Variants in ATG7 observed in about 807,000 individuals in gnomAD.
ATG7 encodes autophagy related 7.
Under a neutral mutation model 82.4 loss-of-function variants are expected in ATG7, and 70 were observed. The observed-to-expected ratio is 0.85, with a 90% CI of 0.70 to 1.04. The LOEUF is 1.04. ATG7 is among the 50% of genes least tolerant of loss of function. The pLI is 0.00. For synonymous variants in ATG7, 287 were observed against 313.0 expected, an observed-to-expected ratio of 0.92 and a Z score of 0.88; for missense variants, 792 against 864.3, an observed-to-expected ratio of 0.92 and a Z score of 1.05.
chr3:11,374,482 G>T (rs911253776), intron 18 of ATG7, among the ~76,000 whole-genome samples: 1 of 152,118 alleles, frequency 6.6e-6, no homozygotes. Context: ...AAAATTCCTA[G>T]AAGAAAATAT....
At chr3:11,353,018 A>G (rs1333810967) in intron 14 of ATG7, among the ~76,000 whole-genome samples, 1 of 152,242 alleles carries the variant, frequency 6.6e-6, no homozygotes, top group African/African-American at 2.4e-5. Flanking sequence ...TGGTTTTATT[A>G]ATGCAAGATT....
At position 11,358,537 on chromosome 3, in the gene ATG7, T is replaced by C; in HGVS notation, c.1404T>C (p.His468=). ...AACTGGAGCAGCTCATCGAAAGCCA[T>C]GATGTCGTCTTCCTATTGATGGACA... ...VEQLEQLIES[H]DVVFLLMDTR... The change falls in exon 15 of 21, where the codon CAT becomes CAC. Residue 468 remains histidine (H), a synonymous_variant. Coordinates refer to ENST00000693202, the MANE Select transcript of ATG7 (RefSeq NM_001349232.2). 1 of 1,614,120 alleles carries C rather than the reference T, an allele frequency of 6.2e-7. No individual in the cohort carries two copies. The highest frequency in any genetic ancestry group is 8.5e-7 in the Non-Finnish European group (1 of 1,179,990).
chr3:11,349,914 A>G (rs1296697777), intron 14 of ATG7, among the ~76,000 whole-genome samples: 1 of 152,232 alleles, frequency 6.6e-6, no homozygotes, highest in Non-Finnish European at 1.5e-5. Context: ...AGCTCCTTTC[A>G]TTTAAAATCT....
chr3:11,413,410 G>A (rs1426451296), intron 19 of ATG7, among the ~76,000 whole-genome samples: 4 of 152,072 alleles, frequency 2.6e-5, no homozygotes, highest in African/African-American at 4.8e-5. Context: ...TGCATCAATC[G>A]AGATGATTGT....
At chr3:11,357,901 TG>T (rs2076033595) in intron 14 of ATG7, among the ~76,000 whole-genome samples, 1 of 151,194 alleles carries the variant, frequency 6.6e-6, no homozygotes, top group African/African-American at 2.4e-5. Context: ...CCCAGCTACT[TG>T]GGAAGCTGAG....
chr3:11,523,635 T>A (rs1369086398), intron 20 of ATG7, among the ~76,000 whole-genome samples: 3 of 152,186 alleles, frequency 2.0e-5, no homozygotes, highest in African/African-American at 2.4e-5. Context: ...CCTGATTTCC[T>A]TTGCACACTC....
Position 11,351,116 on chromosome 3 carries a change from T to G in ATG7, c.1284+3081T>G, listed in dbSNP as rs377096463. Among the ~76,000 whole-genome samples the G allele has an allele frequency of 1.8e-4, 27 of 152,238 alleles. No individual in the cohort carries two copies. In the South Asian group the frequency reaches 5.6e-3, roughly 32 times the overall value. On this transcript the variant is annotated intron_variant, in intron 14 of 20. Transcript: ENST00000693202. Reference sequence around the variant, plus strand: ...TACAATTCCCCCTTCCCACTGTTTATTTGTTTAGTTGCTCTATTACTTACT... The same window carrying G: ...TACAATTCCCCCTTCCCACTGTTTAGTTGTTTAGTTGCTCTATTACTTACT...
chr3:11,273,064 C>G (rs1940855950), intron 1 of ATG7, among the ~76,000 whole-genome samples: 1 of 152,214 alleles, frequency 6.6e-6, no homozygotes, highest in African/African-American at 2.4e-5. Context: ...GAAGTACAAG[C>G]CAAACCGTGT....
chr3:11,364,425 G>T (rs973002981), intron 17 of ATG7, among the ~76,000 whole-genome samples: 2 of 152,154 alleles, frequency 1.3e-5, no homozygotes, highest in African/African-American at 4.8e-5. Flanking sequence ...GCACAGAAAA[G>T]TTAAGCAACT....
intron 11 of ATG7, among the ~76,000 whole-genome samples, chr3:11,340,145 C>T (rs1953288395): frequency 6.6e-6 from 1 of 152,124 alleles, no homozygotes; most frequent in Non-Finnish European, 1.5e-5. Context: ...AATCAAATGA[C>T]AGTCACCTTG....
intron 19 of ATG7, among the ~76,000 whole-genome samples, chr3:11,417,815 A>ATTTTT (rs372904207): frequency 4.2e-4 from 27 of 64,940 alleles, no homozygotes; most frequent in African/African-American, 1.2e-3. Context: ...ATTTTATTTT[A>ATTTTT]TTTTTTTTTT....
chr3:11,538,807 C>G (rs140218432), intron 20 of ATG7, among the ~76,000 whole-genome samples: 1 of 144,488 alleles, frequency 6.9e-6, no homozygotes, highest in African/African-American at 2.6e-5. Flanking sequence ...CTGGGAAGGT[C>G]GAGGCTGCAG....
chr3:11,396,022 C>A, intron 19 of ATG7, among the ~76,000 whole-genome samples: 1 of 139,446 alleles, frequency 7.2e-6, no homozygotes. Flanking sequence ...TAGACAAGAA[C>A]AGAGTCCACC....
intron 20 of ATG7, among the ~76,000 whole-genome samples, chr3:11,508,116 A>G (rs2091845204): frequency 6.6e-6 from 1 of 152,080 alleles, no homozygotes; most frequent in South Asian, 2.1e-4. Context: ...TGTGCTGTTT[A>G]CTCTCCGACA....
intron 20 of ATG7, among the ~76,000 whole-genome samples, chr3:11,471,745 C>CTTTTT (rs200590021): frequency 0.032 from 3,352 of 105,626 alleles, 285 homozygotes; most frequent in Non-Finnish European, 0.046. Context: ...TTTTAGATTT[C>CTTTTT]TTTTTTTTTT....
intron 13 of ATG7, among the ~76,000 whole-genome samples, chr3:11,342,835 A>T (rs1453286671): frequency 1.4e-5 from 2 of 145,584 alleles, no homozygotes; most frequent in African/African-American, 5.0e-5. Context: ...TATCCATAGG[A>T]TTTTTTTTTT....
At chr3:11,294,171 A>T (rs900725326) in intron 3 of ATG7, among the ~76,000 whole-genome samples, 1 of 152,144 alleles carries the variant, frequency 6.6e-6, no homozygotes, top group African/African-American at 2.4e-5. Context: ...CCAGGAAACA[A>T]CAGGAGGCTG....
intron 20 of ATG7, chr3:11,529,723 T>G (rs1311427875): frequency 6.6e-6 from 1 of 152,570 alleles, no homozygotes; most frequent in Admixed American, 6.5e-5. Flanking sequence ...GTCTCTTCAG[T>G]GGCAAGCATG....
At chr3:11,465,065 C>G (rs535878429) in intron 20 of ATG7, among the ~76,000 whole-genome samples, 34 of 146,596 alleles carry the variant, frequency 2.3e-4, no homozygotes, top group Non-Finnish European at 3.7e-4. Context: ...TTTTTCTTAT[C>G]AAATCAATCT....
Sources: gnomAD v4.1 joint callset for allele counts (sites outside exome capture counted in the v4.1 genomes callset) on GRCh38, gnomAD v4.1.1 for gene constraint, MANE v1.5 for transcripts, NCBI Gene and HGNC (gene_info 2026-07-23, HGNC 2026-07-21) for gene names.